Variants in OTULIN observed in about 807,000 individuals in gnomAD.
The protein encoded by OTULIN is OTU deubiquitinase with linear linkage specificity.
In OTULIN, 15 loss-of-function variants were observed where a neutral mutation model predicts 39.6. The observed-to-expected ratio is 0.38, with a 90% CI of 0.25 to 0.58. The LOEUF (loss-of-function observed/expected upper bound fraction) is 0.58, where lower values mean the gene tolerates loss of function less well. OTULIN is among the 20% of genes least tolerant of loss of function. The pLI is 0.66. For synonymous variants in OTULIN, 156 were observed against 170.3 expected (o/e 0.92, Z 0.65); for missense variants, 319 against 445.9 (o/e 0.72, Z 2.56).
chr5:14,712,794 A>T, the OTULIN span: 3 of 1,401,748 alleles, frequency 2.1e-6, no homozygotes, highest in Non-Finnish European at 3.0e-6. Context: ...GCCACCATCC[A>T]ACCTGGTCAG....
At chr5:14,702,819 A>G (rs1736825066), downstream of OTULIN, among the ~76,000 whole-genome samples, 2 of 152,176 alleles carry the variant, frequency 1.3e-5, no homozygotes. Context: ...TTAATTCTGT[A>G]TTGGTCTTTG....
chr5:14,703,190 T>C (rs1439871937), downstream of OTULIN, among the ~76,000 whole-genome samples: 1 of 152,134 alleles, frequency 6.6e-6, no homozygotes, highest in Non-Finnish European at 1.5e-5. Flanking sequence ...GCCCAGTGTA[T>C]TGAACTGGGC....
chr5:14,680,370 G>A (rs1392907588), intron 3 of OTULIN, among the ~76,000 whole-genome samples: 1 of 152,146 alleles, frequency 6.6e-6, no homozygotes, highest in Non-Finnish European at 1.5e-5. Context: ...CTAGTAATGA[G>A]GTTCTAGTAC....
chr5:14,681,335 G>T, intron 3 of OTULIN, 129 bp from the exon 4 acceptor site: 1 of 970,538 alleles, frequency 1.0e-6, no homozygotes, highest in Non-Finnish European at 1.5e-6. Context: ...GCTTAGAAAG[G>T]GACATAAAAC....
chr5:14,712,926 A>T, the OTULIN span: 1 of 1,613,642 alleles, frequency 6.2e-7, no homozygotes, highest in Non-Finnish European at 8.5e-7. Flanking sequence ...GGATTCTCCC[A>T]CAAAGCCCGC....
At chr5:14,681,719 A>G (rs1736256621) in intron 4 of OTULIN, 112 bp downstream of exon 4, 1 of 1,232,214 alleles carries the variant, frequency 8.1e-7, no homozygotes, top group Non-Finnish European at 1.1e-6. Flanking sequence ...TGATGTCAGC[A>G]TGTGCGTTTA....
At chr5:14,713,411 C>T in the OTULIN span, 1 of 1,351,456 alleles carries the variant, frequency 7.4e-7, no homozygotes, top group East Asian at 2.5e-5. The surrounding 1 kb of genome is among the most constrained non-coding windows in gnomAD (Gnocchi z 4.4). Flanking sequence ...TGGGCAGACA[C>T]ACAAAACATC....
At chr5:14,710,571 T>G in the OTULIN span, 3 of 156,416 alleles carry the variant, frequency 1.9e-5, no homozygotes, top group East Asian at 1.9e-4. Flanking sequence ...ATTCTGTCCA[T>G]CTGTCAGCCT....
rs1735779178 is a variant in OTULIN at position 14,664,722 on chromosome 5, A to G, written c.-104A>G. The G allele has an allele frequency of 9.4e-7, 1 of 1,066,932 alleles. No homozygotes were observed. The highest frequency in any genetic ancestry group is 1.1e-6 in the Non-Finnish European group (1 of 877,876). The allele number at this position is 1,066,932 out of a possible 1,614,324, so 66.1% of individuals were successfully genotyped here. ...GGAAGCGCTCTGCGGGCCCTCGGAA[A>G]CCGCCCCGGCGGCTGAGAGGCTGCG... is the stretch of plus-strand genomic sequence containing the variant. On this transcript the variant is annotated 5_prime_UTR_variant, in exon 1 of 7. Coordinates refer to ENST00000284274, the MANE Select transcript of OTULIN (RefSeq NM_138348.6).
At chr5:14,711,362 A>T in the OTULIN span, 32 of 1,491,528 alleles carry the variant, frequency 2.1e-5, no homozygotes, top group Non-Finnish European at 2.9e-5. Flanking sequence ...GACACTGCAC[A>T]GCAGAACCAC....
downstream of OTULIN, among the ~76,000 whole-genome samples, chr5:14,699,983 C>T (rs1432013975): frequency 1.3e-5 from 2 of 152,158 alleles, no homozygotes; most frequent in Non-Finnish European, 2.9e-5. Flanking sequence ...TTGGAGAGCA[C>T]GAGTATGTTT....
At chr5:14,692,407 T>C (rs1736550869) in intron 6 of OTULIN, among the ~76,000 whole-genome samples, 1 of 152,218 alleles carries the variant, frequency 6.6e-6, no homozygotes, top group Admixed American at 6.5e-5. Context: ...CATTATCATC[T>C]TTTTGGTTAT....
rs1323707301 is a variant in OTULIN at position 14,687,554 on chromosome 5, A to C, written c.502A>C (p.Ile168Leu). 1 of 1,614,068 alleles carries C rather than the reference A, an allele frequency of 6.2e-7. No individual in the cohort carries two copies. The highest frequency in any genetic ancestry group is 2.2e-5 in the East Asian group (1 of 44,874). The change falls in exon 5 of 7, where the codon ATC becomes CTC. Residue 168 changes from isoleucine (I) to leucine (L), a missense_variant. Physicochemically the swap from Ile to Leu is conservative, Grantham distance 5. Transcript: ENST00000284274. ...AAAACTCATAAGCAAATACAACTGG[A>C]TCAAGCAATGGAAACTTGGACTGAA... The part of the protein sequence containing the change: ...PEKLISKYNW[I>L]KQWKLGLKFD...
intron 2 of OTULIN, among the ~76,000 whole-genome samples, chr5:14,678,294 G>T (rs1736156633): frequency 1.3e-5 from 2 of 152,184 alleles, no homozygotes; most frequent in Admixed American, 6.5e-5. Context: ...AGCCCACTCA[G>T]TGGGGAATGG....
intron 2 of OTULIN, among the ~76,000 whole-genome samples, chr5:14,678,216 C>T (rs1414307036): frequency 2.6e-5 from 4 of 152,320 alleles, no homozygotes; most frequent in Middle Eastern, 3.4e-3. Flanking sequence ...GAGGGAGCAG[C>T]TCTGCAGGTG....
At chr5:14,716,520 T>A in the OTULIN span, among the ~76,000 whole-genome samples, 1 of 151,248 alleles carries the variant, frequency 6.6e-6, no homozygotes, top group Non-Finnish European at 1.5e-5. Context: ...ATAAATAAAA[T>A]AAAAAGTTAT....
chr5:14,712,817 T>TTC, the OTULIN span: 1 of 1,514,822 alleles, frequency 6.6e-7, no homozygotes, highest in South Asian at 1.2e-5. Flanking sequence ...GCTGCTCAGG[T>TTC]TCTCCTGCAC....
intron 4 of OTULIN, among the ~76,000 whole-genome samples, chr5:14,685,727 T>C (rs1736370447): frequency 6.6e-6 from 1 of 152,216 alleles, no homozygotes; most frequent in South Asian, 2.1e-4. Flanking sequence ...ACTTTTTAGA[T>C]AACTGTATCA....
Position 14,693,734 on chromosome 5 carries a change from T to G in OTULIN, c.*686T>G, listed in dbSNP as rs765523394. The G allele has an allele frequency of 2.0e-5, 3 of 152,250 alleles. No homozygotes were observed. Among genetic ancestry groups the G allele is most frequent in the Non-Finnish European group, 4.4e-5 (3 of 68,066 alleles). 9.4% of individuals were successfully genotyped at this position (152,250 alleles called of 1,614,324 possible). On this transcript the variant is annotated 3_prime_UTR_variant, in exon 7 of 7. Coordinates refer to ENST00000284274, the MANE Select transcript of OTULIN (RefSeq NM_138348.6). ...TTAAGAATTGGGTCCCAAAGTGGGT[T>G]ATTTCAAGGCATTTTTGAAGACTGG...
Sources: allele counts gnomAD v4.1 joint callset (sites outside exome capture counted in the v4.1 genomes callset), GRCh38; gene constraint gnomAD v4.1.1; non-coding constraint Gnocchi (gnomAD v3.1); transcripts MANE v1.5; gene names NCBI Gene and HGNC (gene_info 2026-07-23, HGNC 2026-07-21).